Variants in AGBL4 observed in about 807,000 individuals in gnomAD.
The protein encoded by AGBL4 is cytosolic carboxypeptidase 6.
AGBL4 carries 58 observed loss-of-function variants against 66.4 expected under a neutral mutation model. The observed-to-expected ratio is 0.87, with a 90% CI of 0.71 to 1.09. The LOEUF is 1.09. AGBL4 is among the 50% of genes least tolerant of loss of function. The pLI, the probability that AGBL4 is intolerant of heterozygous loss-of-function variation, is 0.00. For synonymous variants in AGBL4, 234 were observed against 222.9 expected (o/e 1.05, Z -0.44); for missense variants, 579 against 631.0 (o/e 0.92, Z 0.88).
the AGBL4 span, among the ~76,000 whole-genome samples, chr1:48,526,329 A>G: frequency 6.6e-6 from 1 of 152,228 alleles, no homozygotes; most frequent in Non-Finnish European, 1.5e-5. Context: ...AACAAGCTGC[A>G]CAACTTTGGT....
At position 48,590,828 on chromosome 1, in the gene AGBL4, C is replaced by A. The variant is rs776635285; in HGVS notation, c.1104+5G>T. ...GGGCTGGCTGAGAGAGAACTCCTGG[C>A]TTACATAGGAGAAGTCCTCAGCATT... On this transcript the variant is annotated splice_donor_5th_base_variant and intron_variant, in intron 10 of 13. Coordinates refer to ENST00000371839, the MANE Select transcript of AGBL4 (RefSeq NM_032785.4). The A allele has an allele frequency of 6.9e-6, 11 of 1,594,894 alleles. No individual in the cohort carries two copies. Among genetic ancestry groups the A allele is most frequent in the African/African-American group, 4.0e-5 (3 of 74,574 alleles).
chr1:49,242,311 A>C (rs187412242), intron 4 of AGBL4, among the ~76,000 whole-genome samples: 1 of 152,156 alleles, frequency 6.6e-6, no homozygotes, highest in East Asian at 1.9e-4. Flanking sequence ...TGCTATAATG[A>C]AAAAGCCAAT....
At chr1:49,306,236 T>G (rs1040915259) in intron 3 of AGBL4, among the ~76,000 whole-genome samples, 16 of 152,184 alleles carry the variant, frequency 1.1e-4, no homozygotes, top group Non-Finnish European at 2.2e-4. Context: ...GCCTGTTGTT[T>G]CCAAGATATA....
intron 3 of AGBL4, among the ~76,000 whole-genome samples, chr1:49,563,987 G>T (rs1396461160): frequency 6.6e-6 from 1 of 152,086 alleles, no homozygotes; most frequent in African/African-American, 2.4e-5. Context: ...CAATTTCAGA[G>T]CCTGTTATTG....
intron 4 of AGBL4, among the ~76,000 whole-genome samples, chr1:49,216,302 G>A (rs1649083881): frequency 6.6e-6 from 1 of 152,064 alleles, no homozygotes; most frequent in Admixed American, 6.6e-5. Flanking sequence ...GGTTACAGGT[G>A]CAGGTTTGCT....
At chr1:49,555,835 T>A (rs987096263) in intron 3 of AGBL4, among the ~76,000 whole-genome samples, 1 of 152,068 alleles carries the variant, frequency 6.6e-6, no homozygotes, top group Non-Finnish European at 1.5e-5. Flanking sequence ...TGAGATATCA[T>A]CTCACACCAG....
chr1:49,094,079 T>A (rs1645048008), intron 4 of AGBL4, among the ~76,000 whole-genome samples: 1 of 152,082 alleles, frequency 6.6e-6, no homozygotes, highest in East Asian at 1.9e-4. Flanking sequence ...CTGGCTAAAA[T>A]GAAAAGGATG....
chr1:48,540,275 A>T (rs188261974), intron 11 of AGBL4, among the ~76,000 whole-genome samples: 89 of 152,340 alleles, frequency 5.8e-4, no homozygotes, highest in African/African-American at 2.0e-3. Context: ...AATTCCTCTG[A>T]CAATGAATCT....
intron 11 of AGBL4, among the ~76,000 whole-genome samples, chr1:48,541,048 A>G (rs865995844): frequency 6.6e-6 from 1 of 152,276 alleles, no homozygotes; most frequent in Middle Eastern, 3.4e-3. Flanking sequence ...TATTTTCTCA[A>G]CATTATGCTT....
At chr1:48,670,670 C>T (rs1045769444) in intron 6 of AGBL4, among the ~76,000 whole-genome samples, 3 of 152,224 alleles carry the variant, frequency 2.0e-5, no homozygotes, top group Non-Finnish European at 2.9e-5. Context: ...AGGTAGGCAG[C>T]CTTCCAGGGC....
At chr1:49,008,796 G>A (rs1230242191) in intron 5 of AGBL4, among the ~76,000 whole-genome samples, 2 of 150,426 alleles carry the variant, frequency 1.3e-5, no homozygotes, top group Non-Finnish European at 3.0e-5. Flanking sequence ...ATAACGAAAT[G>A]AAGGCAGAAA....
chr1:49,388,154 C>T (rs866706648), intron 3 of AGBL4, among the ~76,000 whole-genome samples: 1 of 152,064 alleles, frequency 6.6e-6, no homozygotes, highest in Non-Finnish European at 1.5e-5. Flanking sequence ...ATGCCTCTTC[C>T]TAAAATAATC....
chr1:48,618,604 T>A (rs1476400756), intron 9 of AGBL4, among the ~76,000 whole-genome samples: 2 of 152,300 alleles, frequency 1.3e-5, no homozygotes, highest in African/African-American at 4.8e-5. Flanking sequence ...AGGCCAGAAT[T>A]ACATTATTAA....
intron 4 of AGBL4, among the ~76,000 whole-genome samples, chr1:49,082,877 T>C (rs1644832497): frequency 6.6e-6 from 1 of 152,180 alleles, no homozygotes; most frequent in East Asian, 1.9e-4. Flanking sequence ...CTAGATACAA[T>C]GGAGGTACAG....
Position 49,319,938 on chromosome 1 carries a change from A to AT in AGBL4, c.283-74075dup, listed in dbSNP as rs529561561. ...GTGGTAATTAAATTTCTTTCTTTCT[A>AT]TTTTTTTTAAGGTAGGGTCTCACTC... is the stretch of plus-strand genomic sequence containing the variant. On this transcript the variant is annotated intron_variant, in intron 3 of 13. Transcript: ENST00000371839. Among the ~76,000 whole-genome samples, 191 of 151,698 alleles carry AT rather than the reference A, an allele frequency of 1.3e-3. 2 individuals are homozygous for AT. The South Asian group carries it at 0.039, about 31-fold the overall frequency.
intron 4 of AGBL4, among the ~76,000 whole-genome samples, chr1:49,085,270 CAT>C (rs1491496294): frequency 2.0e-5 from 3 of 150,510 alleles, no homozygotes; most frequent in Non-Finnish European, 4.4e-5. Context: ...CTTTCATCAT[CAT>C]CATCATCATC....
At chr1:48,583,319 G>A (rs550670995) in intron 11 of AGBL4, among the ~76,000 whole-genome samples, 2 of 152,288 alleles carry the variant, frequency 1.3e-5, no homozygotes, top group South Asian at 4.1e-4. Flanking sequence ...AGTTCACAGT[G>A]CACACTCACA....
In AGBL4 at chr1:49,949,912, T is replaced by C. The variant is rs1364651787; in HGVS notation, c.34+73851A>G. On this transcript the variant is annotated intron_variant, in intron 1 of 13. Transcript: ENST00000371839. ...AAAGATACTTGCATATGCATGTTTA[T>C]AGCAGCACAATTCACAATTGCAAAA... is the stretch of plus-strand genomic sequence containing the variant. Among the ~76,000 whole-genome samples, 2 of 149,888 alleles carry C rather than the reference T, an allele frequency of 1.3e-5. 1 individual carries two copies. Among genetic ancestry groups the C allele is most frequent in the Non-Finnish European group, 3.0e-5 (2 of 67,362 alleles).
intron 3 of AGBL4, among the ~76,000 whole-genome samples, chr1:49,349,557 C>G (rs1645706515): frequency 1.3e-5 from 2 of 152,168 alleles, no homozygotes; most frequent in Non-Finnish European, 2.9e-5. Context: ...GGAACATGCT[C>G]CTTATATATA....
Sources: allele counts gnomAD v4.1 joint callset (sites outside exome capture counted in the v4.1 genomes callset), GRCh38; gene constraint gnomAD v4.1.1; transcripts MANE v1.5; gene names NCBI Gene and HGNC (gene_info 2026-07-23, HGNC 2026-07-21).